CNTN1: variants seen among roughly 807,000 people sequenced by gnomAD.
CNTN1 encodes the protein contactin 1, also known as contactin-1.
In CNTN1, 38 loss-of-function variants were observed where a neutral mutation model predicts 126.4. The ratio of observed to expected loss-of-function variants is 0.30; its 90% CI spans 0.23 to 0.39. The LOEUF (loss-of-function observed/expected upper bound fraction) is 0.39, where lower values mean the gene tolerates loss of function less well. CNTN1 is among the 10% of genes least tolerant of loss of function. The pLI is 1.00. For synonymous variants in CNTN1, 413 were observed against 422.6 expected (o/e 0.98, Z 0.28); for missense variants, 1,009 against 1,248.4 (o/e 0.81, Z 2.89).
chr12:40,854,226 G>T (rs964974815), intron 1 of CNTN1, among the ~76,000 whole-genome samples: 4 of 151,926 alleles, frequency 2.6e-5, no homozygotes, highest in African/African-American at 9.7e-5. Context: ...AAGTCAGCTT[G>T]TCATACATGT....
intron 1 of CNTN1, among the ~76,000 whole-genome samples, chr12:40,868,577 C>T (rs747664631): frequency 6.6e-6 from 1 of 152,112 alleles, no homozygotes; most frequent in Non-Finnish European, 1.5e-5. Flanking sequence ...ACCTAACTCC[C>T]CTGCTCTCTG....
At chr12:40,961,284 T>C (rs1156865363) in intron 15 of CNTN1, among the ~76,000 whole-genome samples, 2 of 152,012 alleles carry the variant, frequency 1.3e-5, no homozygotes, top group Non-Finnish European at 2.9e-5. Context: ...ATAGAAAAAG[T>C]ATCCATTTCA....
intron 23 of CNTN1, among the ~76,000 whole-genome samples, chr12:41,056,995 TATA>T (rs1949827726): frequency 2.3e-5 from 2 of 88,374 alleles, no homozygotes; most frequent in Admixed American, 1.2e-4. Context: ...TTATAAATAT[TATA>T]AATATTTAGA....
At chr12:41,041,202 T>C (rs1265717474) in intron 23 of CNTN1, among the ~76,000 whole-genome samples, 1 of 152,098 alleles carries the variant, frequency 6.6e-6, no homozygotes, top group African/African-American at 2.4e-5. Flanking sequence ...GTTCTGTTTA[T>C]ATGCTGGATT....
At chr12:40,902,665 A>G (rs973235954) in intron 1 of CNTN1, among the ~76,000 whole-genome samples, 1 of 152,184 alleles carries the variant, frequency 6.6e-6, no homozygotes, top group African/African-American at 2.4e-5. Context: ...GTCAATGTAA[A>G]TGATTGTCTA....
chr12:40,800,132 T>C (rs1344098876), intron 1 of CNTN1, among the ~76,000 whole-genome samples: 1 of 151,944 alleles, frequency 6.6e-6, no homozygotes, highest in Non-Finnish European at 1.5e-5. Flanking sequence ...GTGGAGGTAA[T>C]TGGATCATGG....
At chr12:40,848,013 C>T (rs549854931) in intron 1 of CNTN1, among the ~76,000 whole-genome samples, 72 of 152,320 alleles carry the variant, frequency 4.7e-4, no homozygotes, top group African/African-American at 1.6e-3. Flanking sequence ...CTGACAGGAG[C>T]TCAGGCAGCA....
chr12:40,887,840 A>C (rs1294727726), intron 1 of CNTN1, among the ~76,000 whole-genome samples: 1 of 152,120 alleles, frequency 6.6e-6, no homozygotes. Context: ...AGCCATAAAA[A>C]ATGATGAGTT....
At chr12:41,008,821 A>G (rs1471443887) in intron 17 of CNTN1, among the ~76,000 whole-genome samples, 2 of 152,234 alleles carry the variant, frequency 1.3e-5, no homozygotes, top group South Asian at 2.1e-4. Context: ...ATCCCTTCTT[A>G]TATAAAATCT....
At chr12:40,882,663 C>T (rs1943907183) in intron 1 of CNTN1, among the ~76,000 whole-genome samples, 1 of 150,672 alleles carries the variant, frequency 6.6e-6, no homozygotes. Context: ...CATGCCTAAT[C>T]ATATGATAGA....
chr12:40,757,844 G>C (rs979951068), intron 1 of CNTN1, among the ~76,000 whole-genome samples: 2 of 151,862 alleles, frequency 1.3e-5, no homozygotes, highest in Admixed American at 6.6e-5. Context: ...TTATATTTTT[G>C]TGCTAAATAC....
chr12:40,972,779 C>T (rs373525008), intron 15 of CNTN1: 13 of 363,152 alleles, frequency 3.6e-5, no homozygotes, highest in East Asian at 3.3e-4. Flanking sequence ...GTAAACAGCA[C>T]CATGGAGACA....
intron 17 of CNTN1, among the ~76,000 whole-genome samples, chr12:41,006,533 C>G (rs1024602098): frequency 6.6e-6 from 1 of 152,206 alleles, no homozygotes. Flanking sequence ...CCATATAGTT[C>G]TGCATATAGT....
chr12:41,013,469 TTTC>T (rs1224292328), intron 17 of CNTN1, among the ~76,000 whole-genome samples: 4 of 152,162 alleles, frequency 2.6e-5, no homozygotes, highest in Non-Finnish European at 4.4e-5. Context: ...GCCTCAGTGA[TTTC>T]TTCTTAACTC....
At chr12:41,033,030 T>G (rs1431055764) in intron 23 of CNTN1, among the ~76,000 whole-genome samples, 1 of 152,246 alleles carries the variant, frequency 6.6e-6, no homozygotes, top group Non-Finnish European at 1.5e-5. Context: ...ACTTCCCCAT[T>G]AGGTTCATGA....
intron 23 of CNTN1, among the ~76,000 whole-genome samples, chr12:41,039,952 C>A (rs11179592): frequency 0.12 from 18,320 of 152,030 alleles, 1,282 homozygotes; most frequent in Non-Finnish European, 0.16. Context: ...CTTAAGAAAG[C>A]CCCTGTGGAA....
chr12:40,790,390 C>T (rs952211051), intron 1 of CNTN1, among the ~76,000 whole-genome samples: 11 of 152,098 alleles, frequency 7.2e-5, no homozygotes, highest in African/African-American at 2.4e-4. Context: ...ATGATCACTT[C>T]ATTCTACCAG....
At chr12:40,911,292 G>A (rs926154759) in intron 3 of CNTN1, among the ~76,000 whole-genome samples, 3 of 152,094 alleles carry the variant, frequency 2.0e-5, no homozygotes, top group Non-Finnish European at 4.4e-5. Context: ...ATATTAGCCA[G>A]GATGGTCTCA....
In CNTN1 at chr12:41,028,302, G is replaced by A. The variant is rs149178476; in HGVS notation, c.2823+333G>A. Among the ~76,000 whole-genome samples, 249 of 152,230 alleles carry A rather than the reference G, an allele frequency of 1.6e-3. 2 individuals are homozygous for A. Among genetic ancestry groups the A allele is most frequent in the African/African-American group, 5.6e-3 (234 of 41,544 alleles). ...CTACCTCAACTTCCCAAAGTGCTGG[G>A]ATTACAGGCATGAGCCACCACGGCT... On this transcript the variant is annotated intron_variant, in intron 22 of 23. Transcript: ENST00000551295.
Sources: gnomAD v4.1 joint callset for allele counts (sites outside exome capture counted in the v4.1 genomes callset) on GRCh38, gnomAD v4.1.1 for gene constraint, MANE v1.5 for transcripts, NCBI Gene and HGNC (gene_info 2026-07-23, HGNC 2026-07-21) for gene names.